RFX4: variants seen among roughly 807,000 people sequenced by gnomAD.
RFX4 encodes the protein regulatory factor X4.
In RFX4, 10 loss-of-function variants were observed where a neutral mutation model predicts 95.0. The ratio of observed to expected loss-of-function variants is 0.11; its 90% CI spans 0.06 to 0.18. The LOEUF is 0.18. Ranked by LOEUF, RFX4 falls within the 10% of genes least tolerant of loss-of-function variation. RFX4 has a pLI of 1.00. For synonymous variants in RFX4, 321 were observed against 340.7 expected (o/e 0.94, Z 0.64); for missense variants, 640 against 922.0 (o/e 0.69, Z 3.96).
chr12:106,751,756 T>C (rs1375599655), intron 17 of RFX4, among the ~76,000 whole-genome samples: 2 of 152,226 alleles, frequency 1.3e-5, no homozygotes, highest in Admixed American at 6.5e-5. Context: ...TGTCTGTTCA[T>C]GTCCTTAGCC....
At chr12:106,691,891 G>T (rs909245023) in intron 7 of RFX4, among the ~76,000 whole-genome samples, 45 of 152,164 alleles carry the variant, frequency 3.0e-4, no homozygotes, top group African/African-American at 9.7e-4. Flanking sequence ...GGGCGCAGTG[G>T]CTCACGCCTG....
intron 7 of RFX4, among the ~76,000 whole-genome samples, chr12:106,691,732 C>A (rs2041787547): frequency 6.6e-6 from 1 of 152,184 alleles, no homozygotes; most frequent in Non-Finnish European, 1.5e-5. Context: ...GCTCATCTGT[C>A]TTGTTCACTA....
chr12:106,592,531 C>T (rs1156921374), intron 1 of RFX4, among the ~76,000 whole-genome samples: 1 of 152,134 alleles, frequency 6.6e-6, no homozygotes, highest in Non-Finnish European at 1.5e-5. Flanking sequence ...CAACCCTGAT[C>T]GAGGCCCCTC....
At chr12:106,742,972 T>C (rs1193216327) in intron 15 of RFX4, among the ~76,000 whole-genome samples, 1 of 152,230 alleles carries the variant, frequency 6.6e-6, no homozygotes, top group Non-Finnish European at 1.5e-5. Flanking sequence ...CTTCCTGTCC[T>C]GTGCTTAAAA....
intron 17 of RFX4, among the ~76,000 whole-genome samples, chr12:106,753,775 C>A (rs2043057297): frequency 6.6e-6 from 1 of 152,202 alleles, no homozygotes; most frequent in Admixed American, 6.5e-5. Flanking sequence ...GTACACTGAG[C>A]AGATGAGTAC....
chr12:106,727,809 C>A (rs1297939927), intron 13 of RFX4, among the ~76,000 whole-genome samples: 1 of 152,026 alleles, frequency 6.6e-6, no homozygotes, highest in Non-Finnish European at 1.5e-5. Context: ...TTAGTAGAGA[C>A]GGAGTTTCAC....
At chr12:106,608,661 A>G (rs2039888408) in intron 1 of RFX4, 136 bp from the exon 2 acceptor site, 1 of 817,472 alleles carries the variant, frequency 1.2e-6, no homozygotes, top group South Asian at 1.9e-5. Flanking sequence ...ATCTGGGCAG[A>G]TGCCACATGA....
chr12:106,693,690 C>T (rs114060116), intron 7 of RFX4, among the ~76,000 whole-genome samples: 3,461 of 152,194 alleles, frequency 0.023, 134 homozygotes, highest in African/African-American at 0.079. Flanking sequence ...GCTCAGGCCA[C>T]GCTAATAGTC....
At chr12:106,605,010 C>T (rs761162311) in intron 1 of RFX4, among the ~76,000 whole-genome samples, 3 of 152,164 alleles carry the variant, frequency 2.0e-5, no homozygotes, top group Non-Finnish European at 2.9e-5. Flanking sequence ...GGACGAGTCA[C>T]TGAATCTCTC....
chr12:106,747,522 C>G lies in RFX4; in HGVS notation c.1719C>G (p.Pro573=). Residue 573 remains proline (P), a synonymous_variant, in exon 16 of 18, where the codon CCC becomes CCG. Transcript: ENST00000392842. Reference sequence around the variant, plus strand: ...CAGCTGAGAACTCCCAACAGCTGCCCTGTATGAGGAACACTCATGTGCCTT... The same window carrying G: ...CAGCTGAGAACTCCCAACAGCTGCCGTGTATGAGGAACACTCATGTGCCTT... The part of the protein sequence containing the change: ...GSPAENSQQL[P]CMRNTHVPSS... 6.2e-7 allele frequency: 1 copy of G among 1,614,140 alleles called. No homozygotes were observed. The highest frequency in any genetic ancestry group is 8.5e-7 in the Non-Finnish European group (1 of 1,180,004).
intron 15 of RFX4, among the ~76,000 whole-genome samples, chr12:106,746,085 C>T (rs534681957): frequency 4.7e-4 from 71 of 152,148 alleles, no homozygotes; most frequent in Admixed American, 3.0e-3. Context: ...AGGCCAGGTG[C>T]GGTGGCTCAC....
intron 8 of RFX4, 61 bp from the exon 9 acceptor site, chr12:106,709,269 G>A: frequency 1.5e-6 from 2 of 1,339,540 alleles, no homozygotes; most frequent in Non-Finnish European, 2.1e-6. Flanking sequence ...ACCCTCTAGG[G>A]GCCTGTGGGA....
intron 1 of RFX4, among the ~76,000 whole-genome samples, chr12:106,599,471 G>GTGATGATGATGATGATGA (rs3067521): frequency 6.6e-6 from 1 of 150,572 alleles, no homozygotes; most frequent in African/African-American, 2.5e-5. Flanking sequence ...AGTCATCGCT[G>GTGATGATGATGATGATGA]TGATGATGAT....
intron 5 of RFX4, chr12:106,683,704 T>C (rs1159727706): frequency 6.6e-6 from 1 of 152,090 alleles, no homozygotes; most frequent in Non-Finnish European, 1.5e-5. Context: ...CAGCTCTTGG[T>C]CTTTGAGGAA....
At chr12:106,702,880 T>G (rs2042017067) in intron 8 of RFX4, among the ~76,000 whole-genome samples, 1 of 152,222 alleles carries the variant, frequency 6.6e-6, no homozygotes, top group Non-Finnish European at 1.5e-5. Context: ...AGCTGTTCCC[T>G]TCCTCCAAAC....
intron 17 of RFX4, among the ~76,000 whole-genome samples, chr12:106,751,654 T>C (rs1164312154): frequency 2.7e-5 from 4 of 149,464 alleles, no homozygotes; most frequent in Non-Finnish European, 4.5e-5. Flanking sequence ...TGGTATCTCA[T>C]TGTGGTTTTG....
intron 15 of RFX4, among the ~76,000 whole-genome samples, chr12:106,742,131 T>G (rs1279735451): frequency 6.6e-6 from 1 of 152,202 alleles, no homozygotes. Flanking sequence ...CACTCTAAAT[T>G]TTCAGAAGTC....
At position 106,641,113 on chromosome 12, in the gene RFX4, G is replaced by A. The variant is rs148586730; in HGVS notation, c.191+1721G>A. On this transcript the variant is annotated intron_variant, in intron 3 of 17. Coordinates refer to ENST00000392842, the MANE Select transcript of RFX4 (RefSeq NM_213594.3). ...ATTCTTGCTTTAATAACCTGAACAT[G>A]TCATATGTTTCAGAGTAAAAAATTT... Among the ~76,000 whole-genome samples the A allele has an allele frequency of 2.8e-4, 43 of 152,220 alleles. No individual in the cohort carries two copies. The East Asian group carries it at 7.5e-3, about 27-fold the overall frequency.
rs1364385961 is a variant in RFX4, at chr12:106,761,226, G to T, written c.1965G>T (p.Met655Ile). ...QYPFNSPTSR[M>I]EPCLMSSTPR... ...CTTTTAATAGCCCCACTTCCCGGAT[G>T]GAACCTTGTTTGATGAGCAGTACTC... is the stretch of plus-strand genomic sequence containing the variant. Residue 655 changes from methionine (M) to isoleucine (I), a missense_variant, in exon 18 of 18, where the codon ATG (methionine) becomes ATT (isoleucine). By Grantham distance (10) the Met-to-Ile change is conservative. Transcript: ENST00000392842. 3.1e-6 allele frequency: 5 copies of T among 1,613,748 alleles called. No individual in the cohort carries two copies. The African/African-American group carries it at 6.7e-5, about 22-fold the overall frequency.
Sources: gnomAD v4.1 joint callset for allele counts (sites outside exome capture counted in the v4.1 genomes callset) on GRCh38, gnomAD v4.1.1 for gene constraint, MANE v1.5 for transcripts, NCBI Gene and HGNC (gene_info 2026-07-23, HGNC 2026-07-21) for gene names.